The following ST3GAL3 variants were observed in gnomAD, a reference collection of about 807,000 sequenced individuals.
The protein encoded by ST3GAL3 is CMP-N-acetylneuraminate-beta-1,4-galactoside alpha-2,3-sialyltransferase.
Under a neutral mutation model 50.1 loss-of-function variants are expected in ST3GAL3, and 21 were observed. The observed-to-expected ratio is 0.42, with a 90% confidence interval of 0.30 to 0.60. ST3GAL3 has a LOEUF of 0.60. ST3GAL3 is among the 20% of genes least tolerant of loss of function. The probability of loss-of-function intolerance (pLI) is 0.19; values close to 1 mark genes in which losing one functional copy is unlikely to be tolerated. For synonymous variants in ST3GAL3, 183 were observed against 190.0 expected, an observed-to-expected ratio of 0.96 and a Z score of 0.30; for missense variants, 353 against 489.4, an observed-to-expected ratio of 0.72 and a Z score of 2.63.
intron 2 of ST3GAL3, among the ~76,000 whole-genome samples, chr1:43,791,521 G>T (rs1407082709): frequency 6.6e-6 from 1 of 152,188 alleles, no homozygotes; most frequent in African/African-American, 2.4e-5. Flanking sequence ...CTCAGGCCCT[G>T]ATTCTGCCTG....
At chr1:43,783,393 C>T (rs1572782937) in intron 2 of ST3GAL3, among the ~76,000 whole-genome samples, 1 of 152,186 alleles carries the variant, frequency 6.6e-6, no homozygotes, top group East Asian at 1.9e-4. Context: ...CCCTTGTCCT[C>T]CTGAAAATGT....
intron 1 of ST3GAL3, among the ~76,000 whole-genome samples, chr1:43,725,485 G>T (rs1318608636): frequency 6.6e-6 from 1 of 151,980 alleles, no homozygotes; most frequent in Non-Finnish European, 1.5e-5. Context: ...AGCATGAGCC[G>T]CTGCGCCTGG....
chr1:43,707,818 T>A (rs920392155), intron 1 of ST3GAL3, 125 bp downstream of exon 1: 3 of 152,118 alleles, frequency 2.0e-5, no homozygotes, highest in African/African-American at 7.2e-5. Context: ...GCCCGCGCGC[T>A]AGTGCCCGGG....
chr1:43,835,183 T>A (rs999216316), intron 4 of ST3GAL3, among the ~76,000 whole-genome samples: 4 of 152,180 alleles, frequency 2.6e-5, no homozygotes, highest in African/African-American at 7.2e-5. Context: ...CTGAGTGATT[T>A]GATCAGACAT....
chr1:43,711,968 T>C (rs754224514), intron 1 of ST3GAL3, among the ~76,000 whole-genome samples: 2 of 152,174 alleles, frequency 1.3e-5, no homozygotes, highest in Non-Finnish European at 2.9e-5. Context: ...AACTTGGTAT[T>C]TGGGGAGGAG....
chr1:43,742,369 T>C (rs995654217), intron 2 of ST3GAL3, among the ~76,000 whole-genome samples: 2 of 152,260 alleles, frequency 1.3e-5, no homozygotes, highest in East Asian at 3.9e-4. Flanking sequence ...TTGGGTCTTA[T>C]CAAGAGAGGT....
At chr1:43,836,155 A>G (rs907267799) in intron 4 of ST3GAL3, among the ~76,000 whole-genome samples, 1 of 152,226 alleles carries the variant, frequency 6.6e-6, no homozygotes, top group Non-Finnish European at 1.5e-5. Flanking sequence ...AAACATCTAG[A>G]ACGTTTTTGT....
chr1:43,750,882 GA>G (rs879667685), intron 2 of ST3GAL3, among the ~76,000 whole-genome samples: 4,217 of 138,608 alleles, frequency 0.03, 191 homozygotes, highest in African/African-American at 0.1. Context: ...TTTGTCTCAA[GA>G]AAAAAAAAAA....
intron 9 of ST3GAL3, among the ~76,000 whole-genome samples, chr1:43,917,587 A>G (rs1318431278): frequency 0.013 from 613 of 45,932 alleles, 14 homozygotes; most frequent in African/African-American, 0.041. Flanking sequence ...ATTACGTATT[A>G]TATATAATAT....
At chr1:43,808,835 A>G (rs1313186966) in intron 3 of ST3GAL3, among the ~76,000 whole-genome samples, 1 of 152,208 alleles carries the variant, frequency 6.6e-6, no homozygotes, top group Non-Finnish European at 1.5e-5. Flanking sequence ...GGGGGCAGCC[A>G]GGATAATCCC....
intron 1 of ST3GAL3, among the ~76,000 whole-genome samples, chr1:43,709,043 G>A (rs1440927793): frequency 1.3e-5 from 2 of 152,210 alleles, no homozygotes; most frequent in East Asian, 3.9e-4. Flanking sequence ...CCGAGAAAAG[G>A]AGAAATCCAT....
intron 4 of ST3GAL3, among the ~76,000 whole-genome samples, chr1:43,827,300 A>C (rs1335599697): frequency 1.3e-5 from 2 of 152,224 alleles, no homozygotes; most frequent in Non-Finnish European, 2.9e-5. Context: ...AGCAATTGGA[A>C]TTTAAAATTT....
chr1:43,885,559 C>T (rs2075848706), intron 5 of ST3GAL3, among the ~76,000 whole-genome samples: 1 of 152,206 alleles, frequency 6.6e-6, no homozygotes, highest in South Asian at 2.1e-4. Context: ...CTAGTCTGAC[C>T]AGTCATTCTA....
chr1:43,728,345 A>ACAAAAACAAAAC (rs1673958774), intron 1 of ST3GAL3, among the ~76,000 whole-genome samples: 1 of 130,624 alleles, frequency 7.7e-6, no homozygotes, highest in Admixed American at 7.5e-5. Flanking sequence ...TTCTCAGAAA[A>ACAAAAACAAAAC]CAAAAACAAA....
At chr1:43,902,533 T>A (rs932252426) in intron 9 of ST3GAL3, among the ~76,000 whole-genome samples, 2 of 152,202 alleles carry the variant, frequency 1.3e-5, no homozygotes, top group Non-Finnish European at 2.9e-5. Context: ...TTTGGGTCCC[T>A]GACTCACTGG....
intron 3 of ST3GAL3, among the ~76,000 whole-genome samples, chr1:43,792,471 T>C (rs2058196022): frequency 6.6e-6 from 1 of 152,192 alleles, no homozygotes; most frequent in Non-Finnish European, 1.5e-5. Context: ...CAGAGGGCAT[T>C]GAAAGACCCC....
intron 3 of ST3GAL3, among the ~76,000 whole-genome samples, chr1:43,805,880 C>G (rs1430054403): frequency 6.6e-6 from 1 of 152,148 alleles, no homozygotes; most frequent in Non-Finnish European, 1.5e-5. Flanking sequence ...GGATTACAGG[C>G]ACGCACCACC....
At chr1:43,795,491 CT>C (rs2058585324) in intron 3 of ST3GAL3, among the ~76,000 whole-genome samples, 1 of 152,196 alleles carries the variant, frequency 6.6e-6, no homozygotes, top group African/African-American at 2.4e-5. Flanking sequence ...CTATCTCCTG[CT>C]TTGCATCAAG....
intron 11 of ST3GAL3, among the ~76,000 whole-genome samples, chr1:43,926,914 C>T (rs908099249): frequency 6.6e-6 from 1 of 152,210 alleles, no homozygotes; most frequent in African/African-American, 2.4e-5. Context: ...TCCCACGTTC[C>T]TGCCCCCCAC....
Sources: gnomAD v4.1 joint callset for allele counts (sites outside exome capture counted in the v4.1 genomes callset) on GRCh38, gnomAD v4.1.1 for gene constraint, MANE v1.5 for transcripts, NCBI Gene and HGNC (gene_info 2026-07-23, HGNC 2026-07-21) for gene names.